Variants in ETV6 observed in about 807,000 individuals in gnomAD.
The protein encoded by ETV6 is ETS variant transcription factor 6, also known as transcription factor ETV6.
In ETV6, 16 loss-of-function variants were observed where a neutral mutation model predicts 51.1. That is an observed-to-expected ratio of 0.31 (90% confidence interval 0.21 to 0.48). The LOEUF is 0.48. Among genes scored for constraint, ETV6 ranks in the 20% least tolerant of loss-of-function variants. The probability of loss-of-function intolerance (pLI) is 0.99; values close to 1 mark genes in which losing one functional copy is unlikely to be tolerated. For missense variants in ETV6, 458 were observed against 594.8 expected (o/e 0.77, Z 2.39); for synonymous variants, 240 against 224.1 (o/e 1.07, Z -0.64).
At chr12:11,793,675 T>C (rs888378552) in intron 2 of ETV6, among the ~76,000 whole-genome samples, 6 of 152,230 alleles carry the variant, frequency 3.9e-5, no homozygotes, top group African/African-American at 1.4e-4. Flanking sequence ...ATATGTGCTC[T>C]GTTTTGCCGC....
intron 1 of ETV6, among the ~76,000 whole-genome samples, chr12:11,730,073 G>A (rs780506239): frequency 2.0e-5 from 3 of 152,242 alleles, no homozygotes; most frequent in Non-Finnish European, 2.9e-5. Flanking sequence ...TGCTGCCAGC[G>A]TCGAGGGGTG....
chr12:11,853,627 C>T, intron 4 of ETV6, 66 bp downstream of exon 4: 4 of 1,563,468 alleles, frequency 2.6e-6, no homozygotes, highest in Non-Finnish European at 3.5e-6. Context: ...TAATTGTTAA[C>T]TTGATAAGCT....
chr12:11,883,276 C>CTTCTTCTTTTTTTTTTTTTTTTTTTTTTT (rs776231778), intron 5 of ETV6, among the ~76,000 whole-genome samples: 1 of 79,118 alleles, frequency 1.3e-5, no homozygotes, highest in African/African-American at 7.4e-5. Flanking sequence ...ATGTCTTCTT[C>CTTCTTCTTTTTTTTTTTTTTTTTTTTTTT]TTTTTTTTTT....
chr12:11,890,838 G>C, intron 7 of ETV6, 103 bp from the exon 8 acceptor site: 1 of 882,896 alleles, frequency 1.1e-6, no homozygotes, highest in Non-Finnish European at 1.9e-6. Context: ...CTCTCCAGCT[G>C]TATAAGATGA....
At chr12:11,753,893 G>A (rs572214691) in intron 2 of ETV6, among the ~76,000 whole-genome samples, 69 of 152,304 alleles carry the variant, frequency 4.5e-4, no homozygotes, top group African/African-American at 1.6e-3. Flanking sequence ...CATTTGGGCA[G>A]GGAAGTAAAG....
intron 1 of ETV6, among the ~76,000 whole-genome samples, chr12:11,655,280 T>C (rs75014989): frequency 0.02 from 2,986 of 152,234 alleles, 57 homozygotes; most frequent in Middle Eastern, 0.054. Context: ...TGTTTTCAGG[T>C]AAGGGTCCAC....
At chr12:11,722,047 C>G (rs1865398603) in intron 1 of ETV6, among the ~76,000 whole-genome samples, 1 of 152,106 alleles carries the variant, frequency 6.6e-6, no homozygotes. Flanking sequence ...AATATTATGC[C>G]CCTGCTCACT....
At position 11,843,784 on chromosome 12, in the gene ETV6, C is replaced by G. The variant is rs575111697; in HGVS notation, c.328+4480C>G. ...GGACAAGAATCCTCCATTTTCAACC[C>G]CTAGGATAAAGCAGGGAACATTTGC... On this transcript the variant is annotated intron_variant, in intron 3 of 7. Transcript: ENST00000396373. 2.6e-5 allele frequency among the ~76,000 whole-genome samples: 4 copies of G among 152,142 alleles called. No homozygotes were observed. The East Asian group carries it at 7.7e-4, about 29-fold the overall frequency.
chr12:11,697,407 T>C (rs945868371), intron 1 of ETV6, among the ~76,000 whole-genome samples: 1 of 152,206 alleles, frequency 6.6e-6, no homozygotes, highest in African/African-American at 2.4e-5. Flanking sequence ...AGAAACATAC[T>C]CCTCATCTCC....
intron 2 of ETV6, among the ~76,000 whole-genome samples, chr12:11,821,959 A>G (rs1302398182): frequency 1.3e-5 from 2 of 152,090 alleles, no homozygotes; most frequent in Non-Finnish European, 2.9e-5. Flanking sequence ...CATTTCCCCA[A>G]ACCGGTTGTG....
chr12:11,725,058 TCC>T (rs1436315364), intron 1 of ETV6, among the ~76,000 whole-genome samples: 1 of 152,028 alleles, frequency 6.6e-6, no homozygotes, highest in Non-Finnish European at 1.5e-5. Context: ...CCTGCCCACT[TCC>T]CCATCAGCTT....
rs564903457 is a variant in ETV6, at chr12:11,722,467, T to A, written c.34-29983T>A. Among the ~76,000 whole-genome samples, 6 of 152,242 alleles carry A rather than the reference T, an allele frequency of 3.9e-5. No individual in the cohort carries two copies. The South Asian group carries it at 1.2e-3, about 32-fold the overall frequency. ...AACACACTGGAAGCAAAGCTTTCTT[T>A]TAAGTTTCATTTTTAATCTAATGGT... On this transcript the variant is annotated intron_variant, in intron 1 of 7. Transcript: ENST00000396373.
At chr12:11,673,637 C>G (rs1040350308) in intron 1 of ETV6, among the ~76,000 whole-genome samples, 1 of 152,174 alleles carries the variant, frequency 6.6e-6, no homozygotes, top group African/African-American at 2.4e-5. Flanking sequence ...TTTTTTCCTA[C>G]TAGGCCCTCC....
chr12:11,783,129 C>T (rs933220096), intron 2 of ETV6, among the ~76,000 whole-genome samples: 1 of 151,808 alleles, frequency 6.6e-6, no homozygotes. Flanking sequence ...AGTGGCAGAT[C>T]AGATGAGGAG....
rs117955811 is a variant in ETV6, at chr12:11,729,222, G to T, written c.34-23228G>T. On this transcript the variant is annotated intron_variant, in intron 1 of 7. Transcript: ENST00000396373. ...GGAAGGAACCGTTGCCAACTGGCCA[G>T]GTGTGCCAGTTCGTGGCCTAGAAGG... is the stretch of plus-strand genomic sequence containing the variant. 4.0e-3 allele frequency among the ~76,000 whole-genome samples: 613 copies of T among 152,276 alleles called. 26 individuals are homozygous for T. The East Asian group carries it at 0.079, about 20-fold the overall frequency.
At chr12:11,812,111 A>G (rs7138414) in intron 2 of ETV6, among the ~76,000 whole-genome samples, 9,491 of 152,206 alleles carry the variant, frequency 0.062, 403 homozygotes, top group East Asian at 0.14. Flanking sequence ...ATGTAATAAG[A>G]TATTTATTAG....
At chr12:11,801,460 G>A (rs946866105) in intron 2 of ETV6, among the ~76,000 whole-genome samples, 2 of 152,200 alleles carry the variant, frequency 1.3e-5, no homozygotes, top group African/African-American at 4.8e-5. Context: ...CTGAAGTATA[G>A]GTTGTGCTCT....
At chr12:11,805,969 C>T (rs565407850) in intron 2 of ETV6, among the ~76,000 whole-genome samples, 14 of 152,258 alleles carry the variant, frequency 9.2e-5, no homozygotes, top group Admixed American at 7.8e-4. Context: ...TATTTGTTTG[C>T]TCAACTCATG....
intron 2 of ETV6, among the ~76,000 whole-genome samples, chr12:11,800,992 A>C (rs565835061): frequency 6.6e-6 from 1 of 152,264 alleles, no homozygotes; most frequent in Non-Finnish European, 1.5e-5. Flanking sequence ...TACTAGGTTT[A>C]GTCCGCCCTC....
Sources: gnomAD v4.1 joint callset for allele counts (sites outside exome capture counted in the v4.1 genomes callset) on GRCh38, gnomAD v4.1.1 for gene constraint, MANE v1.5 for transcripts, NCBI Gene and HGNC (gene_info 2026-07-23, HGNC 2026-07-21) for gene names.